POLR2H: variants seen among roughly 807,000 people sequenced by gnomAD.
POLR2H encodes the protein RNA polymerase II, I and III subunit H.
A neutral mutation model predicts 18.1 loss-of-function variants in POLR2H; 3 were observed. The observed-to-expected ratio is 0.17, with a 90% CI of 0.08 to 0.43. POLR2H has a LOEUF of 0.43. POLR2H is among the 20% of genes least tolerant of loss of function. The pLI, the probability that POLR2H is intolerant of heterozygous loss-of-function variation, is 0.99. For missense variants in POLR2H, 103 were observed against 184.6 expected, an observed-to-expected ratio of 0.56 and a Z score of 2.56; for synonymous variants, 76 against 69.0, an observed-to-expected ratio of 1.10 and a Z score of -0.50.
intron 4 of POLR2H, 68 bp from the exon 5 acceptor site, chr3:184,366,649 A>G: frequency 9.8e-7 from 1 of 1,019,398 alleles, no homozygotes; most frequent in Non-Finnish European, 1.5e-6. Context: ...ACCAGTAACC[A>G]TTTTTAAATG....
chr3:184,368,224 A>G lies in POLR2H; in HGVS notation c.383A>G (p.Asp128Gly). The change falls in exon 6 of 6, where the codon GAT becomes GGT. Residue 128 changes from aspartate to glycine, a missense_variant. By Grantham distance (94) the Asp-to-Gly change is moderately conservative (BLOSUM62 -1). Transcript: ENST00000456318. ...GGCCTGCTCATGAGGCTGCAGGGGG[A>G]TGCCAACAACCTGCATGGATTCGAG... ...YGGLLMRLQG[D>G]ANNLHGFEVD... 6.2e-7 allele frequency: 1 copy of G among 1,612,992 alleles called. No individual in the cohort carries two copies. Among genetic ancestry groups the G allele is most frequent in the Non-Finnish European group, 8.5e-7 (1 of 1,179,216 alleles).
In POLR2H at chr3:184,368,238, C is replaced by T. The variant is rs768936411; in HGVS notation, c.397C>T (p.His133Tyr). The T allele has an allele frequency of 4.3e-6, 7 of 1,613,392 alleles. 1 individual carries two copies. In the South Asian group the frequency reaches 6.6e-5, roughly 15 times the overall value. The change falls in exon 6 of 6, where the codon CAT (histidine) becomes TAT (tyrosine). Residue 133 changes from histidine (H) to tyrosine (Y), a missense_variant. Physicochemically the swap from His to Tyr is moderately conservative, Grantham distance 83. Transcript: ENST00000456318. Reference sequence around the variant, plus strand: ...GCTGCAGGGGGATGCCAACAACCTGCATGGATTCGAGGTGGACTCCAGAGT... The same window carrying T: ...GCTGCAGGGGGATGCCAACAACCTGTATGGATTCGAGGTGGACTCCAGAGT... ...MRLQGDANNL[H>Y]GFEVDSRVYL...
intron 5 of POLR2H, 85 bp from the exon 6 acceptor site, chr3:184,368,092 G>T: frequency 6.2e-7 from 1 of 1,608,870 alleles, no homozygotes; most frequent in East Asian, 2.2e-5. Flanking sequence ...ACAGTAGGAA[G>T]ATGCCTCTTC....
intron 5 of POLR2H, 171 bp from the exon 6 acceptor site, chr3:184,368,006 T>A: frequency 1.1e-6 from 1 of 941,048 alleles, no homozygotes; most frequent in East Asian, 2.8e-5. Context: ...CTTCTGTTTC[T>A]TAGGCTGAGA....
At position 184,365,062 on chromosome 3, in the gene POLR2H, T is replaced by C; in HGVS notation, c.157+13T>C. The C allele has an allele frequency of 6.3e-7, 1 of 1,580,834 alleles. No individual in the cohort carries two copies. Among genetic ancestry groups the C allele is most frequent in the South Asian group, 1.1e-5 (1 of 90,412 alleles). On this transcript the variant is annotated intron_variant, in intron 3 of 5. Coordinates refer to ENST00000456318, the MANE Select transcript of POLR2H (RefSeq NM_006232.5). ...CCTGTAGACTTGGGTAAGTATTGAA[T>C]ACAGACAATAATAAGAGACTTTTTG...
At chr3:184,367,518 G>C (rs977970413) in intron 5 of POLR2H, among the ~76,000 whole-genome samples, 1 of 143,998 alleles carries the variant, frequency 6.9e-6, no homozygotes, top group African/African-American at 2.6e-5. Flanking sequence ...ATGGAGTCTT[G>C]CTGTGTTGCC....
chr3:184,363,411 T>C lies in POLR2H; in HGVS notation c.-82T>C. 2 of 1,181,018 alleles carry C rather than the reference T, an allele frequency of 1.7e-6. No homozygotes were observed. The highest frequency in any genetic ancestry group is 3.7e-5 in the Admixed American group (2 of 54,150). 73.2% of individuals were successfully genotyped at this position (1,181,018 alleles called of 1,614,324 possible). On this transcript the variant is annotated 5_prime_UTR_variant, in exon 2 of 6. Transcript: ENST00000456318. ...AGGAGGTGCTTTTGGTTCTCTCCGG[T>C]CTTGTCCACGCTAGGGGGTGCACGT...
chr3:184,368,051 C>G (rs1266157582), intron 5 of POLR2H, 126 bp from the exon 6 acceptor site: 4 of 1,391,022 alleles, frequency 2.9e-6, no homozygotes, highest in Non-Finnish European at 4.0e-6. Context: ...GTGCATTGAT[C>G]TTTGTCAGAA....
At chr3:184,365,849 G>A (rs1332956213) in intron 4 of POLR2H, among the ~76,000 whole-genome samples, 79 of 150,228 alleles carry the variant, frequency 5.3e-4, no homozygotes, top group Admixed American at 5.0e-3. Context: ...AGTGGCGGGC[G>A]CCTGTAGTCC....
intron 5 of POLR2H, 59 bp downstream of exon 5, chr3:184,366,859 T>G: frequency 9.8e-7 from 1 of 1,020,688 alleles, no homozygotes; most frequent in Non-Finnish European, 1.5e-6. Flanking sequence ...GACTTTGAGC[T>G]ATGCTCCTGC....
rs528529592 is a variant in POLR2H, at chr3:184,364,876, G to C, written c.74-90G>C. On this transcript the variant is annotated intron_variant, in intron 2 of 5. Coordinates refer to ENST00000456318, the MANE Select transcript of POLR2H (RefSeq NM_006232.5). ...ATGAGAGACCACTGGATGTAGACTGGGTTAGATTGAGTATCCTGTTGCATA... is the reference window on the plus strand; with the variant it reads ...ATGAGAGACCACTGGATGTAGACTGCGTTAGATTGAGTATCCTGTTGCATA... 10 of 837,518 alleles carry C rather than the reference G, an allele frequency of 1.2e-5. No homozygotes were observed. The African/African-American group carries it at 1.7e-4, about 14-fold the overall frequency. The allele number at this position is 837,518 out of a possible 1,614,324, so 51.9% of individuals were successfully genotyped here.
In POLR2H at chr3:184,363,310, G is replaced by C. The variant is rs1712589489; in HGVS notation, c.-183G>C. 1 of 642,100 alleles carries C rather than the reference G, an allele frequency of 1.6e-6. No homozygotes were observed. The highest frequency in any genetic ancestry group is 2.3e-5 in the Admixed American group (1 of 42,776). The allele number at this position is 642,100 out of a possible 1,614,324, so 39.8% of individuals were successfully genotyped here. ...GACGGAAGTTAAGTAGCCCCGAGCG[G>C]GAGGCTGTGGCGGAAGTGGTCGCGT... On this transcript the variant is annotated 5_prime_UTR_variant, in exon 2 of 6. Coordinates refer to ENST00000456318, the MANE Select transcript of POLR2H (RefSeq NM_006232.5).
At position 184,368,425 on chromosome 3, in the gene POLR2H, C is replaced by T. The variant is rs111736970; in HGVS notation, c.*131C>T. 1 of 639,342 alleles carries T rather than the reference C, an allele frequency of 1.6e-6. No homozygotes were observed. Among genetic ancestry groups the T allele is most frequent in the Non-Finnish European group, 2.6e-6 (1 of 382,796 alleles). The allele number at this position is 639,342 out of a possible 1,614,324, so 39.6% of individuals were successfully genotyped here. ...CTGTCCACCGTGGCGGCATCTTTAA[C>T]TGGCCTCCACTCAATGGGAAACTGA... is the stretch of plus-strand genomic sequence containing the variant. On this transcript the variant is annotated 3_prime_UTR_variant, in exon 6 of 6. Transcript: ENST00000456318.
chr3:184,365,926 A>G (rs1440732534), intron 4 of POLR2H, among the ~76,000 whole-genome samples: 1 of 144,670 alleles, frequency 6.9e-6, no homozygotes, highest in African/African-American at 2.6e-5. Flanking sequence ...CAGTGAGCCG[A>G]GATCCCGCCA....
chr3:184,367,523 G>A (rs1713528465), intron 5 of POLR2H, among the ~76,000 whole-genome samples: 1 of 146,884 alleles, frequency 6.8e-6, no homozygotes, highest in Non-Finnish European at 1.5e-5. Flanking sequence ...GTCTTGCTGT[G>A]TTGCCCAGCC....
intron 4 of POLR2H, chr3:184,365,545 C>A: frequency 3.1e-6 from 1 of 323,886 alleles, no homozygotes; most frequent in Non-Finnish European, 5.8e-6. Flanking sequence ...GTGTCATGTG[C>A]CTGTAGTCCC....
At position 184,363,348 on chromosome 3, in the gene POLR2H, G is replaced by A. The variant is rs1712600565; in HGVS notation, c.-145G>A. ...GAAGTGGTCGCGTTACCGCTTGTTT[G>A]TGCGCATGCGCCACTCTCGTCTGGC... On this transcript the variant is annotated 5_prime_UTR_variant, in exon 2 of 6. In the 5' UTR this introduces an upstream ATG that the reference lacks. Coordinates refer to ENST00000456318, the MANE Select transcript of POLR2H (RefSeq NM_006232.5). 1 of 701,816 alleles carries A rather than the reference G, an allele frequency of 1.4e-6. No individual in the cohort carries two copies. 43.5% of individuals were successfully genotyped at this position (701,816 alleles called of 1,614,324 possible).
Position 184,368,408 on chromosome 3 carries a change from C to A in POLR2H, c.*114C>A. The stretch of plus-strand genomic sequence containing the variant: ...GAGGAAGGGCTGGCTCACTGTCCAC[C>A]GTGGCGGCATCTTTAACTGGCCTCC... On this transcript the variant is annotated 3_prime_UTR_variant, in exon 6 of 6. Coordinates refer to ENST00000456318, the MANE Select transcript of POLR2H (RefSeq NM_006232.5). 3.7e-6 allele frequency: 3 copies of A among 818,984 alleles called. No individual in the cohort carries two copies. The highest frequency in any genetic ancestry group is 5.6e-6 in the Non-Finnish European group (3 of 534,918). 50.7% of individuals were successfully genotyped at this position (818,984 alleles called of 1,614,324 possible).
rs759197988 is a variant in POLR2H at position 184,364,915 on chromosome 3, T to G, written c.74-51T>G. ...TCCTGTTGCATACAATCCCACACTGTAGGATCTGCCTTGGCAATACCTCTG... is the reference window on the plus strand; with the variant it reads ...TCCTGTTGCATACAATCCCACACTGGAGGATCTGCCTTGGCAATACCTCTG... On this transcript the variant is annotated intron_variant, in intron 2 of 5. Transcript: ENST00000456318. 3 of 1,242,516 alleles carry G rather than the reference T, an allele frequency of 2.4e-6. No homozygotes were observed. In the South Asian group the frequency reaches 3.6e-5, roughly 15 times the overall value. The allele number at this position is 1,242,516 out of a possible 1,614,324, so 77.0% of individuals were successfully genotyped here. A position where few individuals can be genotyped will look rare whatever the true frequency, so the allele number is the denominator to read the frequency against.
Sources: allele counts gnomAD v4.1 joint callset (sites outside exome capture counted in the v4.1 genomes callset), GRCh38; gene constraint gnomAD v4.1.1; transcripts MANE v1.5; gene names NCBI Gene and HGNC (gene_info 2026-07-23, HGNC 2026-07-21).